EXTL3: variants seen among roughly 807,000 people sequenced by gnomAD.
EXTL3 encodes the protein exostosin like glycosyltransferase 3.
EXTL3 carries 27 observed loss-of-function variants against 69.3 expected under a neutral mutation model. That is an observed-to-expected ratio of 0.39 (90% CI 0.29 to 0.54). The LOEUF (loss-of-function observed/expected upper bound fraction) is 0.54, where lower values mean the gene tolerates loss of function less well. Among genes scored for constraint, EXTL3 ranks in the 20% least tolerant of loss-of-function variants. The pLI is 0.69. For synonymous variants in EXTL3, 511 were observed against 499.4 expected (o/e 1.02, Z -0.31); for missense variants, 1,003 against 1,231.8 (o/e 0.81, Z 2.78).
At chr8:28,702,765 A>G (rs1800839104) in intron 1 of EXTL3, among the ~76,000 whole-genome samples, 1 of 151,930 alleles carries the variant, frequency 6.6e-6, no homozygotes. Context: ...ACTTTGTCCT[A>G]TTCTTTGTCC....
intron 2 of EXTL3, among the ~76,000 whole-genome samples, chr8:28,714,408 T>A (rs1479246221): frequency 2.0e-5 from 3 of 152,180 alleles, no homozygotes; most frequent in Admixed American, 2.0e-4. Flanking sequence ...TAGTTAAACA[T>A]CTTTGACAGA....
upstream of EXTL3, chr8:28,701,448 C>A (rs532296882): frequency 7.4e-3 from 1,123 of 151,966 alleles, 15 homozygotes; most frequent in South Asian, 0.023. Context: ...TCCGCGCCCC[C>A]GCTCGCGAAC....
intron 2 of EXTL3, among the ~76,000 whole-genome samples, chr8:28,714,415 C>G (rs774556147): frequency 3.9e-5 from 6 of 152,208 alleles, no homozygotes; most frequent in Non-Finnish European, 8.8e-5. Context: ...ACATCTTTGA[C>G]AGAGGTAGAA....
At chr8:28,705,794 C>A (rs1299992410) in intron 1 of EXTL3, among the ~76,000 whole-genome samples, 1 of 152,122 alleles carries the variant, frequency 6.6e-6, no homozygotes, top group Non-Finnish European at 1.5e-5. Flanking sequence ...CATCTGAAGA[C>A]CTTATTTGAA....
At chr8:28,654,792 G>A (rs972921278) in intron 1 of EXTL3, among the ~76,000 whole-genome samples, 2 of 152,044 alleles carry the variant, frequency 1.3e-5, no homozygotes, top group South Asian at 2.1e-4. Context: ...TTGTAATTCT[G>A]CAAACATTCA....
chr8:28,725,372 A>G (rs937406958), intron 3 of EXTL3, among the ~76,000 whole-genome samples: 2 of 152,122 alleles, frequency 1.3e-5, no homozygotes. Flanking sequence ...AAGAGTGGGC[A>G]TTGCTCCTGG....
chr8:28,730,363 A>G (rs1336203866), intron 3 of EXTL3: 1 of 152,160 alleles, frequency 6.6e-6, no homozygotes, highest in South Asian at 2.1e-4. Flanking sequence ...GGTTGGACTA[A>G]TTAGACAAAG....
intron 5 of EXTL3, among the ~76,000 whole-genome samples, chr8:28,737,878 A>G (rs963322494): frequency 1.3e-5 from 2 of 152,192 alleles, no homozygotes; most frequent in African/African-American, 4.8e-5. Flanking sequence ...GTACAGTTGC[A>G]CATAGGCCAT....
intron 3 of EXTL3, among the ~76,000 whole-genome samples, chr8:28,725,601 C>T (rs1402970751): frequency 1.3e-5 from 2 of 152,106 alleles, no homozygotes; most frequent in East Asian, 3.8e-4. Flanking sequence ...ATTTATAAAA[C>T]ATTTGTTGAA....
chr8:28,677,325 C>T (rs1324385247), intron 1 of EXTL3, among the ~76,000 whole-genome samples: 2 of 151,986 alleles, frequency 1.3e-5, no homozygotes, highest in East Asian at 1.9e-4. Context: ...TCCTTGGAGC[C>T]GCTATTTACT....
At chr8:28,689,283 G>A (rs188488775) in intron 1 of EXTL3, among the ~76,000 whole-genome samples, 8 of 152,204 alleles carry the variant, frequency 5.3e-5, no homozygotes, top group Admixed American at 3.3e-4. Context: ...TTAAAATTCC[G>A]ACAATAGATA....
chr8:28,652,025 T>TTGTGTGTGTGTGTG (rs113760212), intron 1 of EXTL3, among the ~76,000 whole-genome samples: 1 of 151,296 alleles, frequency 6.6e-6, no homozygotes, highest in African/African-American at 2.4e-5. Flanking sequence ...TAATATTCCA[T>TTGTGTGTGTGTGTG]TGTGTGTGTG....
intron 2 of EXTL3, among the ~76,000 whole-genome samples, chr8:28,609,940 C>T (rs1263204214): frequency 6.7e-6 from 1 of 149,940 alleles, no homozygotes; most frequent in Non-Finnish European, 1.5e-5. Flanking sequence ...TGGTTCATGC[C>T]TGTAATCAAT....
intron 1 of EXTL3, among the ~76,000 whole-genome samples, chr8:28,665,416 CTTTTTTTTTTTT>C (rs34069791): frequency 8.7e-6 from 1 of 115,430 alleles, no homozygotes; most frequent in African/African-American, 3.3e-5. Flanking sequence ...CACTTGTTTA[CTTTTTTTTTTTT>C]TTTTTTTTTG....
At chr8:28,628,255 G>A (rs1289218829) in intron 1 of EXTL3, among the ~76,000 whole-genome samples, 2 of 152,138 alleles carry the variant, frequency 1.3e-5, no homozygotes, top group Admixed American at 1.3e-4. Flanking sequence ...CCAGCTACTC[G>A]GGAGGCTGAG....
In EXTL3 at chr8:28,623,031, G is replaced by A. The variant is rs535472999; in HGVS notation, c.-53+221G>A. ...CCTGCTCTGGGCGTCTGGGGCGGGC[G>A]ATTGCAAGCTCGCGGTCCATGTCCC... On this transcript the variant is annotated intron_variant, in intron 1 of 6. Coordinates refer to the EXTL3 transcript ENST00000523149. This position sits in a 1 kb window ranked among gnomAD's most constrained non-coding sequence, Gnocchi z 4.2. Among the ~76,000 whole-genome samples the A allele has an allele frequency of 1.3e-5, 2 of 151,256 alleles. No individual in the cohort carries two copies. Among genetic ancestry groups the A allele is most frequent in the South Asian group, 4.2e-4 (2 of 4,728 alleles).
At chr8:28,683,043 T>C (rs1308509630) in intron 1 of EXTL3, among the ~76,000 whole-genome samples, 2 of 152,224 alleles carry the variant, frequency 1.3e-5, no homozygotes, top group African/African-American at 2.4e-5. Flanking sequence ...ATGTTCTCAG[T>C]ACTTTTGTGG....
chr8:28,607,976 G>A (rs866955990), intron 2 of EXTL3, among the ~76,000 whole-genome samples: 50 of 152,096 alleles, frequency 3.3e-4, no homozygotes, highest in Admixed American at 1.4e-3. Flanking sequence ...CAGGCGTGGT[G>A]GTGGGCGCCT....
intron 1 of EXTL3, among the ~76,000 whole-genome samples, chr8:28,689,363 C>T (rs572489942): frequency 6.6e-6 from 1 of 152,300 alleles, no homozygotes; most frequent in South Asian, 2.1e-4. Context: ...GCCTCCCACA[C>T]TGTTATTTGA....
Sources: allele counts gnomAD v4.1 joint callset (sites outside exome capture counted in the v4.1 genomes callset), GRCh38; gene constraint gnomAD v4.1.1; non-coding constraint Gnocchi (gnomAD v3.1); transcripts MANE v1.5; gene names NCBI Gene and HGNC (gene_info 2026-07-23, HGNC 2026-07-21).